The following FRMD1 variants were observed in gnomAD, a reference collection of about 807,000 sequenced individuals.
FRMD1 encodes the protein FERM domain-containing protein 1.
Under a neutral mutation model 54.9 loss-of-function variants are expected in FRMD1, and 51 were observed. The ratio of observed to expected loss-of-function variants is 0.93; its 90% confidence interval spans 0.74 to 1.17. The LOEUF (loss-of-function observed/expected upper bound fraction) is 1.17. Ranked by LOEUF, FRMD1 falls within the 50% of genes most tolerant of loss-of-function variation. The probability of loss-of-function intolerance (pLI) is 0.00; values close to 1 mark genes in which losing one functional copy is unlikely to be tolerated. For missense variants in FRMD1, 729 were observed against 743.0 expected, an observed-to-expected ratio of 0.98 and a Z score of 0.22; for synonymous variants, 324 against 306.4, an observed-to-expected ratio of 1.06 and a Z score of -0.60.
At chr6:168,089,987 C>T (rs1800988387) in intron 1 of FRMD1, among the ~76,000 whole-genome samples, 1 of 152,178 alleles carries the variant, frequency 6.6e-6, no homozygotes, top group Non-Finnish European at 1.5e-5. Context: ...GCCCATCCTC[C>T]ACCTGCTCAG....
chr6:168,091,407 T>C (rs1873338), intron 1 of FRMD1, among the ~76,000 whole-genome samples: 56,563 of 151,964 alleles, frequency 0.37, 11,671 homozygotes, highest in African/African-American at 0.56. Flanking sequence ...CATCTCTGTC[T>C]CCCCAGGCCC....
chr6:168,068,766 G>A (rs1225193037), intron 2 of FRMD1, among the ~76,000 whole-genome samples: 1 of 152,174 alleles, frequency 6.6e-6, no homozygotes, highest in Non-Finnish European at 1.5e-5. Context: ...CTCCCTTACA[G>A]CCACCTGCAT....
chr6:168,062,549 C>T, intron 7 of FRMD1: 1 of 1,064,562 alleles, frequency 9.4e-7, no homozygotes, highest in East Asian at 2.6e-5. Flanking sequence ...CCTGATGCCC[C>T]CGAGAGGCCG....
At chr6:168,057,756 C>CACCTCTCTATT in intron 10 of FRMD1, 1 of 186,534 alleles carries the variant, frequency 5.4e-6, no homozygotes, top group South Asian at 1.0e-4. Flanking sequence ...GTCCAAGGTC[C>CACCTCTCTATT]CGTCCAGGTG....
intron 8 of FRMD1, among the ~76,000 whole-genome samples, chr6:168,061,284 C>A (rs1356607411): frequency 6.9e-6 from 1 of 145,508 alleles, no homozygotes; most frequent in East Asian, 2.1e-4. Context: ...TGAGGCGAGG[C>A]CTTGTGCTCA....
rs374809085 is a variant in FRMD1 at position 168,074,402 on chromosome 6, C to T, written c.304+843G>A. 1.2e-4 allele frequency among the ~76,000 whole-genome samples: 18 copies of T among 151,878 alleles called. No homozygotes were observed. In the South Asian group the frequency reaches 3.5e-3, roughly 30 times the overall value. On this transcript the variant is annotated intron_variant, in intron 2 of 10. Transcript: ENST00000283309. Reference sequence around the variant, plus strand: ...TGCATGTTTACATGTGTGAGTGGTGCGTAACTGCATGTGTGTGGTGCGCAC... The same window carrying T: ...TGCATGTTTACATGTGTGAGTGGTGTGTAACTGCATGTGTGTGGTGCGCAC...
intron 1 of FRMD1, among the ~76,000 whole-genome samples, chr6:168,090,307 C>T (rs947419021): frequency 1.3e-5 from 2 of 152,198 alleles, no homozygotes; most frequent in Non-Finnish European, 2.9e-5. Flanking sequence ...CGGCTCCCAC[C>T]TCCCTCCTGA....
At chr6:168,080,153 C>G (rs1800785983), upstream of FRMD1, among the ~76,000 whole-genome samples, 1 of 152,084 alleles carries the variant, frequency 6.6e-6, no homozygotes, top group African/African-American at 2.4e-5. Context: ...CGCCTTAAGG[C>G]CTGGCCCGGT....
Position 168,079,180 on chromosome 6 carries a change from G to T in FRMD1, c.-86C>A. 7.0e-7 allele frequency: 1 copy of T among 1,434,438 alleles called. No homozygotes were observed. The highest frequency in any genetic ancestry group is 9.1e-7 in the Non-Finnish European group (1 of 1,095,056). 88.9% of individuals were successfully genotyped at this position (1,434,438 alleles called of 1,614,324 possible). A position where few individuals can be genotyped will look rare whatever the true frequency, so the allele number is the denominator to read the frequency against. ...ATCACAGCTGTGCTTTCCGGGACCC[G>T]CCCTTGCCGAGCTTCTCACTGGGAA... On this transcript the variant is annotated 5_prime_UTR_variant, in exon 1 of 11. Coordinates refer to ENST00000283309, the MANE Select transcript of FRMD1 (RefSeq NM_024919.6).
At chr6:168,060,195 G>T (rs1489657545) in intron 9 of FRMD1, among the ~76,000 whole-genome samples, 2 of 111,796 alleles carry the variant, frequency 1.8e-5, no homozygotes, top group Non-Finnish European at 3.7e-5. Context: ...CTTCCTGGAA[G>T]TGGGGGGCTT....
upstream of FRMD1, among the ~76,000 whole-genome samples, chr6:168,085,910 A>T (rs1726805321): frequency 6.6e-6 from 1 of 152,260 alleles, no homozygotes; most frequent in African/African-American, 2.4e-5. Context: ...GCAGAGCTGC[A>T]GGACTAGGGC....
rs779467940 is a variant in FRMD1 at position 168,060,909 on chromosome 6, C to T, written c.1194G>A (p.Thr398=). The change falls in exon 9 of 11, where the codon ACG becomes ACA. Residue 398 remains threonine (T), a synonymous_variant. Coordinates refer to ENST00000283309, the MANE Select transcript of FRMD1 (RefSeq NM_024919.6). Reference sequence around the variant, plus strand: ...GCCAGGAGTTGGCCTTGATGCCTGACGTGTAGGAACTGCCGTGGCTGTCGG... The same window carrying T: ...GCCAGGAGTTGGCCTTGATGCCTGATGTGTAGGAACTGCCGTGGCTGTCGG... ...HSADSHGSSY[T]SGIKANSWLR... The T allele has an allele frequency of 9.3e-6, 15 of 1,613,702 alleles. No individual in the cohort carries two copies. Among genetic ancestry groups the T allele is most frequent in the African/African-American group, 4.0e-5 (3 of 74,950 alleles).
chr6:168,086,006 T>C (rs575403164), upstream of FRMD1, among the ~76,000 whole-genome samples: 1 of 152,338 alleles, frequency 6.6e-6, no homozygotes, highest in South Asian at 2.1e-4. Context: ...GAGTAGAACA[T>C]AGAATTCACA....
At chr6:168,075,420 C>T (rs2115010553) in intron 1 of FRMD1, 85 bp from the exon 2 acceptor site, 1 of 1,106,652 alleles carries the variant, frequency 9.0e-7, no homozygotes, top group East Asian at 2.4e-5. Flanking sequence ...CCCAGCGGGG[C>T]ACCAGGTGGA....
rs1799493510 is a variant in FRMD1 at position 168,057,841 on chromosome 6, G to A, written c.1408-502C>T. 7 of 178,888 alleles carry A rather than the reference G, an allele frequency of 3.9e-5. No individual in the cohort carries two copies. In the South Asian group the frequency reaches 8.1e-4, roughly 21 times the overall value. The allele number at this position is 178,888 out of a possible 1,614,324, so 11.1% of individuals were successfully genotyped here. A position where few individuals can be genotyped will look rare whatever the true frequency, so the allele number is the denominator to read the frequency against. On this transcript the variant is annotated intron_variant, in intron 10 of 10. Transcript: ENST00000283309. ...GCTTCTCGGCTGCCGTGGCCCCTCA[G>A]ATCTGCCTTGGACCACTGTGCTCCC...
chr6:168,059,286 G>T lies in FRMD1; in HGVS notation c.1343-98C>A. 2.0e-6 allele frequency: 2 copies of T among 1,004,848 alleles called. No homozygotes were observed. The highest frequency in any genetic ancestry group is 3.0e-6 in the Non-Finnish European group (2 of 676,008). 62.2% of individuals were successfully genotyped at this position (1,004,848 alleles called of 1,614,324 possible). A position where few individuals can be genotyped will look rare whatever the true frequency, so the allele number is the denominator to read the frequency against. On this transcript the variant is annotated intron_variant, in intron 9 of 10. Coordinates refer to ENST00000283309, the MANE Select transcript of FRMD1 (RefSeq NM_024919.6). This position sits in a 1 kb window ranked among gnomAD's most constrained non-coding sequence, Gnocchi z 4.4. ...CTGCACTTCTGGGGCCCTGGTCTCG[G>T]ACCGGCATCTCCTGAGGCTCACACC...
chr6:168,075,589 C>A, intron 1 of FRMD1: 1 of 737,672 alleles, frequency 1.4e-6, no homozygotes, highest in Non-Finnish European at 2.4e-6. Flanking sequence ...CTGCCCCCTC[C>A]ATCCCTGTCT....
Position 168,055,404 on chromosome 6 carries a change from CAT to C in FRMD1, c.*1691_*1692del, listed in dbSNP as rs751874769. 5 of 152,526 alleles carry C rather than the reference CAT, an allele frequency of 3.3e-5. No homozygotes were observed. The highest frequency in any genetic ancestry group is 4.8e-5 in the African/African-American group (2 of 41,416). The allele number at this position is 152,526 out of a possible 1,614,324, so 9.4% of individuals were successfully genotyped here. A position where few individuals can be genotyped will look rare whatever the true frequency, so the allele number is the denominator to read the frequency against. ...GTGTGTGCATGCATGTGGATGTGTG[CAT>C]GTGTGCATGTAGGTCTTGGCTCAGA... On this transcript the variant is annotated 3_prime_UTR_variant, in exon 11 of 11. Transcript: ENST00000283309.
At chr6:168,069,904 G>A (rs1800214452) in intron 2 of FRMD1, among the ~76,000 whole-genome samples, 1 of 152,174 alleles carries the variant, frequency 6.6e-6, no homozygotes, top group East Asian at 1.9e-4. Flanking sequence ...CAGTCTAGAT[G>A]TCACTGTGAA....
Sources: allele counts gnomAD v4.1 joint callset (sites outside exome capture counted in the v4.1 genomes callset), GRCh38; gene constraint gnomAD v4.1.1; non-coding constraint Gnocchi (gnomAD v3.1); transcripts MANE v1.5; gene names NCBI Gene and HGNC (gene_info 2026-07-23, HGNC 2026-07-21).